The following EMCN variants were observed in gnomAD, a reference collection of about 807,000 sequenced individuals.
EMCN encodes the protein endomucin.
EMCN carries 37 observed loss-of-function variants against 38.4 expected under a neutral mutation model. That is an observed-to-expected ratio of 0.96 (90% confidence interval 0.74 to 1.27). EMCN has a LOEUF of 1.27. EMCN is among the 50% of genes most tolerant of loss of function. The pLI is 0.00. For missense variants in EMCN, 318 were observed against 302.8 expected, an observed-to-expected ratio of 1.05 and a Z score of -0.37; for synonymous variants, 95 against 100.8, an observed-to-expected ratio of 0.94 and a Z score of 0.35.
At chr4:100,458,647 C>T (rs1432609551) in intron 4 of EMCN, among the ~76,000 whole-genome samples, 1 of 151,876 alleles carries the variant, frequency 6.6e-6, no homozygotes, top group East Asian at 1.9e-4. Flanking sequence ...AGAAGGGGGA[C>T]CTAAAGTCAG....
chr4:100,447,172 A>G (rs78413996), intron 5 of EMCN, among the ~76,000 whole-genome samples: 7,034 of 152,294 alleles, frequency 0.046, 574 homozygotes, highest in African/African-American at 0.16. Flanking sequence ...TACTATGACC[A>G]GATTTTGTTA....
intron 7 of EMCN, among the ~76,000 whole-genome samples, chr4:100,422,454 C>T (rs1726914934): frequency 6.6e-6 from 1 of 151,862 alleles, no homozygotes; most frequent in Admixed American, 6.6e-5. Flanking sequence ...ATTTAATATT[C>T]TGTATTCAGT....
At chr4:100,409,832 C>G (rs555655103) in intron 11 of EMCN, among the ~76,000 whole-genome samples, 8 of 152,338 alleles carry the variant, frequency 5.3e-5, no homozygotes, top group Non-Finnish European at 1.2e-4. Flanking sequence ...AGCCAGCCTA[C>G]GGCTGTGATA....
At chr4:100,465,789 G>A (rs974431912) in intron 3 of EMCN, among the ~76,000 whole-genome samples, 9 of 152,014 alleles carry the variant, frequency 5.9e-5, no homozygotes, top group Non-Finnish European at 8.8e-5. Flanking sequence ...GTAATCTTAC[G>A]AATTAAGTAA....
At chr4:100,504,712 A>G (rs1373507616) in intron 1 of EMCN, among the ~76,000 whole-genome samples, 1 of 152,212 alleles carries the variant, frequency 6.6e-6, no homozygotes, top group African/African-American at 2.4e-5. Flanking sequence ...CCTTTTGCCA[A>G]GCGGACCACG....
chr4:100,494,261 GTTAA>G (rs1490134080), intron 1 of EMCN, among the ~76,000 whole-genome samples: 6 of 152,250 alleles, frequency 3.9e-5, no homozygotes, highest in African/African-American at 7.2e-5. Flanking sequence ...CTTGTGGTGG[GTTAA>G]TTAAAGTGAA....
chr4:100,399,327 G>A (rs1397266750), intron 11 of EMCN, among the ~76,000 whole-genome samples: 1 of 152,120 alleles, frequency 6.6e-6, no homozygotes, highest in Non-Finnish European at 1.5e-5. Flanking sequence ...GCTAGGTTCT[G>A]GGGAGAGCAT....
intron 4 of EMCN, among the ~76,000 whole-genome samples, chr4:100,449,545 A>G (rs950815640): frequency 6.6e-6 from 1 of 152,118 alleles, no homozygotes; most frequent in Admixed American, 6.6e-5. Flanking sequence ...TTTGAAAGAT[A>G]CAATTAAAAT....
At chr4:100,499,785 A>T (rs1729301141) in intron 1 of EMCN, among the ~76,000 whole-genome samples, 1 of 152,214 alleles carries the variant, frequency 6.6e-6, no homozygotes, top group African/African-American at 2.4e-5. Context: ...TGTATAACTA[A>T]TTAAAGATGG....
At chr4:100,405,393 A>G (rs868549397) in intron 11 of EMCN, among the ~76,000 whole-genome samples, 1 of 152,130 alleles carries the variant, frequency 6.6e-6, no homozygotes, top group Non-Finnish European at 1.5e-5. Context: ...TATTTCTTCA[A>G]TGCCTGGATT....
intron 3 of EMCN, among the ~76,000 whole-genome samples, chr4:100,470,314 A>G (rs965757158): frequency 6.6e-6 from 1 of 151,920 alleles, no homozygotes; most frequent in African/African-American, 2.4e-5. Flanking sequence ...TATTAGAGAC[A>G]TGCAAATCAA....
At chr4:100,510,649 G>T (rs1488113744) in intron 1 of EMCN, among the ~76,000 whole-genome samples, 2 of 152,104 alleles carry the variant, frequency 1.3e-5, no homozygotes, top group African/African-American at 4.8e-5. Context: ...TCCTTGTAGA[G>T]ATATTGCAAG....
chr4:100,505,944 T>TAAAGGTGA (rs1729469589), intron 1 of EMCN, among the ~76,000 whole-genome samples: 1 of 152,180 alleles, frequency 6.6e-6, no homozygotes, highest in Admixed American at 6.5e-5. Context: ...ACTGTCCATT[T>TAAAGGTGA]CTTAAAGGTG....
chr4:100,489,129 C>G (rs1014499656), intron 1 of EMCN, among the ~76,000 whole-genome samples: 1 of 152,082 alleles, frequency 6.6e-6, no homozygotes, highest in African/African-American at 2.4e-5. Context: ...GTGTTAGAGC[C>G]TTGTTCAAAT....
At position 100,415,905 on chromosome 4, in the gene EMCN, A is replaced by G. The variant is rs1350133612; in HGVS notation, c.744T>C (p.His248=). Residue 248 remains histidine (H), a synonymous_variant, in exon 10 of 12, where the codon CAT becomes CAC. Transcript: ENST00000296420. The part of the protein sequence containing the change: ...VKLLTVKTIS[H]ESGEHSAQGK... ...ACTTGTCTGGAAACTTACCAGACTC[A>G]TGAGAAATTGTCTTAACGGTAAGAA... The G allele has an allele frequency of 3.8e-6, 6 of 1,585,102 alleles. No homozygotes were observed. The highest frequency in any genetic ancestry group is 4.3e-6 in the Non-Finnish European group (5 of 1,167,832).
Position 100,517,976 on chromosome 4 carries a change from C to T in EMCN, c.-62G>A. 6.5e-7 allele frequency: 1 copy of T among 1,532,310 alleles called. No individual in the cohort carries two copies. Among genetic ancestry groups the T allele is most frequent in the South Asian group, 1.1e-5 (1 of 89,356 alleles). 94.9% of individuals were successfully genotyped at this position (1,532,310 alleles called of 1,614,324 possible). On this transcript the variant is annotated 5_prime_UTR_variant, in exon 1 of 12. Transcript: ENST00000296420. ...GAAGCAGGCAGGGACAATTCCCTCC[C>T]AGCCTGGCAGGGCCTTATTAGCAAA... is the stretch of plus-strand genomic sequence containing the variant.
intron 3 of EMCN, among the ~76,000 whole-genome samples, chr4:100,466,357 T>G (rs112164799): frequency 1.4e-4 from 21 of 152,304 alleles, no homozygotes; most frequent in Non-Finnish European, 2.4e-4. Flanking sequence ...CAGAGTAGAA[T>G]GGAGCAAGAA....
At chr4:100,474,232 A>G (rs1728573308) in intron 3 of EMCN, among the ~76,000 whole-genome samples, 1 of 152,242 alleles carries the variant, frequency 6.6e-6, no homozygotes, top group Non-Finnish European at 1.5e-5. Context: ...TTCCAAGGAC[A>G]ATACACAAAT....
intron 3 of EMCN, among the ~76,000 whole-genome samples, chr4:100,468,387 G>A (rs532918940): frequency 2.0e-4 from 30 of 152,294 alleles, no homozygotes; most frequent in African/African-American, 7.0e-4. Context: ...GGAATCTAAT[G>A]TGTAGTTACC....
Sources: allele counts gnomAD v4.1 joint callset (sites outside exome capture counted in the v4.1 genomes callset), GRCh38; gene constraint gnomAD v4.1.1; transcripts MANE v1.5; gene names NCBI Gene and HGNC (gene_info 2026-07-23, HGNC 2026-07-21).